The following NALF1 variants were observed in gnomAD, a reference collection of about 807,000 sequenced individuals.
NALF1 encodes NALCN channel auxiliary factor 1.
NALF1 carries 3 observed loss-of-function variants against 48.4 expected under a neutral mutation model. That is an observed-to-expected ratio of 0.06 (90% CI 0.03 to 0.16). NALF1 has a LOEUF of 0.16. NALF1 is among the 10% of genes least tolerant of loss of function. The pLI is 1.00. For synonymous variants in NALF1, 262 were observed against 245.7 expected, an observed-to-expected ratio of 1.07 and a Z score of -0.62; for missense variants, 526 against 571.5, an observed-to-expected ratio of 0.92 and a Z score of 0.81.
chr13:107,479,656 G>A lies in NALF1; in HGVS notation c.916-268901C>T, dbSNP rs1399724233. 4.6e-5 allele frequency among the ~76,000 whole-genome samples: 7 copies of A among 152,000 alleles called. 1 individual carries two copies. Among genetic ancestry groups the A allele is most frequent in the Admixed American group, 4.6e-4 (7 of 15,248 alleles). ...GCTCTTGGAAAAAAAAATGTAAGGAGGAGGAGCTAATGTCTTTTGTCTAAT... is the reference window on the plus strand; with the variant it reads ...GCTCTTGGAAAAAAAAATGTAAGGAAGAGGAGCTAATGTCTTTTGTCTAAT... On this transcript the variant is annotated intron_variant, in intron 1 of 2. Transcript: ENST00000375915.
intron 1 of NALF1, among the ~76,000 whole-genome samples, chr13:107,827,784 T>G (rs1206563444): frequency 6.6e-6 from 1 of 152,218 alleles, no homozygotes; most frequent in African/African-American, 2.4e-5. Flanking sequence ...CATCAAATGT[T>G]TCTTTGTCAA....
chr13:107,833,363 C>T (rs879281959), intron 1 of NALF1, among the ~76,000 whole-genome samples: 1 of 152,136 alleles, frequency 6.6e-6, no homozygotes, highest in Admixed American at 6.5e-5. Context: ...AATAAGCTCT[C>T]TGTTGTCCAA....
intron 1 of NALF1, among the ~76,000 whole-genome samples, chr13:107,708,159 G>A (rs1323279641): frequency 6.6e-6 from 1 of 152,108 alleles, no homozygotes; most frequent in Non-Finnish European, 1.5e-5. Flanking sequence ...TTCTAGGGAA[G>A]GGTCAACCCT....
chr13:107,621,815 G>T (rs1594166046), intron 1 of NALF1, among the ~76,000 whole-genome samples: 1 of 152,122 alleles, frequency 6.6e-6, no homozygotes, highest in African/African-American at 2.4e-5. Flanking sequence ...AGCTGAGGCC[G>T]GAATTCAATC....
At chr13:107,591,129 T>A (rs939992414) in intron 1 of NALF1, among the ~76,000 whole-genome samples, 1 of 151,924 alleles carries the variant, frequency 6.6e-6, no homozygotes, top group East Asian at 1.9e-4. Flanking sequence ...AGAGTAACAA[T>A]AGAATTCCCA....
chr13:107,373,868 A>G (rs902406065), intron 1 of NALF1, among the ~76,000 whole-genome samples: 2 of 152,212 alleles, frequency 1.3e-5, no homozygotes, highest in African/African-American at 4.8e-5. Flanking sequence ...TCATCAAAAG[A>G]ATCTACCTTC....
At chr13:107,567,901 T>C (rs1877862270) in intron 1 of NALF1, among the ~76,000 whole-genome samples, 1 of 152,236 alleles carries the variant, frequency 6.6e-6, no homozygotes, top group African/African-American at 2.4e-5. Context: ...AGAAGGGCTA[T>C]TTTACTCTGT....
chr13:107,666,433 G>A (rs972441051), intron 1 of NALF1, among the ~76,000 whole-genome samples: 1 of 152,020 alleles, frequency 6.6e-6, no homozygotes, highest in African/African-American at 2.4e-5. Context: ...AATATTTGGG[G>A]ATCTTTATTA....
At chr13:107,350,930 G>C (rs927275146) in intron 1 of NALF1, among the ~76,000 whole-genome samples, 1 of 152,126 alleles carries the variant, frequency 6.6e-6, no homozygotes, top group African/African-American at 2.4e-5. Flanking sequence ...GAGACCACTG[G>C]GGTATGACAA....
intron 2 of NALF1, among the ~76,000 whole-genome samples, chr13:107,191,348 G>C (rs1170878309): frequency 6.6e-6 from 1 of 151,964 alleles, no homozygotes; most frequent in Admixed American, 6.6e-5. Flanking sequence ...TTAACACTCA[G>C]TTGCAACTCT....
intron 1 of NALF1, among the ~76,000 whole-genome samples, chr13:107,727,481 A>T (rs1486763069): frequency 6.6e-6 from 1 of 152,086 alleles, no homozygotes; most frequent in Non-Finnish European, 1.5e-5. Context: ...TGTGGACAAC[A>T]GGGAAAGATA....
At chr13:107,600,626 G>A (rs2138424328) in intron 1 of NALF1, among the ~76,000 whole-genome samples, 1 of 152,288 alleles carries the variant, frequency 6.6e-6, no homozygotes, top group South Asian at 2.1e-4. Flanking sequence ...GTCGGTGCCT[G>A]TTGGATGCTT....
At chr13:107,851,584 A>G (rs934837199) in intron 1 of NALF1, among the ~76,000 whole-genome samples, 2 of 152,124 alleles carry the variant, frequency 1.3e-5, no homozygotes, top group Non-Finnish European at 2.9e-5. Flanking sequence ...AGCTTACTAC[A>G]TTTTAGAAGA....
chr13:107,555,439 ATTTTTTTT>A (rs34486058), intron 1 of NALF1, among the ~76,000 whole-genome samples: 60 of 69,968 alleles, frequency 8.6e-4, no homozygotes, highest in East Asian at 7.9e-3. Flanking sequence ...AGCCTGGCTA[ATTTTTTTT>A]TTTTTTTTTT....
At chr13:107,200,987 C>T (rs1350420337) in intron 2 of NALF1, among the ~76,000 whole-genome samples, 1 of 152,162 alleles carries the variant, frequency 6.6e-6, no homozygotes, top group African/African-American at 2.4e-5. Context: ...AAAATGAACA[C>T]TCATCCAGTG....
At chr13:107,254,804 A>G (rs1026652508) in intron 1 of NALF1, among the ~76,000 whole-genome samples, 2 of 152,210 alleles carry the variant, frequency 1.3e-5, no homozygotes, top group African/African-American at 4.8e-5. Flanking sequence ...TAATTCAGTC[A>G]GGCAAATGCT....
intron 1 of NALF1, among the ~76,000 whole-genome samples, chr13:107,682,527 C>G (rs1881332781): frequency 6.6e-6 from 1 of 152,184 alleles, no homozygotes; most frequent in Non-Finnish European, 1.5e-5. Flanking sequence ...AATATTTCAT[C>G]CCGAACGAGG....
chr13:107,641,593 A>T (rs1352772504), intron 1 of NALF1, among the ~76,000 whole-genome samples: 1 of 152,226 alleles, frequency 6.6e-6, no homozygotes, highest in East Asian at 1.9e-4. Context: ...GGAGATAAAA[A>T]TAATAGTAAC....
At chr13:107,756,435 C>CTATATATATACATATATATATATA (rs1555323650) in intron 1 of NALF1, among the ~76,000 whole-genome samples, 74 of 141,078 alleles carry the variant, frequency 5.2e-4, no homozygotes, top group African/African-American at 1.9e-3. Context: ...AGTTTAATGG[C>CTATATATATACATATATATATATA]TATATATATA....
Sources: allele counts gnomAD v4.1 joint callset (sites outside exome capture counted in the v4.1 genomes callset), GRCh38; gene constraint gnomAD v4.1.1; transcripts MANE v1.5; gene names NCBI Gene and HGNC (gene_info 2026-07-23, HGNC 2026-07-21).